SUZ12: variants seen among roughly 807,000 people sequenced by gnomAD.
The protein encoded by SUZ12 is polycomb protein SUZ12.
A neutral mutation model predicts 87.3 loss-of-function variants in SUZ12; 17 were observed. That is an observed-to-expected ratio of 0.19 (90% CI 0.13 to 0.29). SUZ12 has a LOEUF of 0.29. Among genes scored for constraint, SUZ12 ranks in the 10% least tolerant of loss-of-function variants. SUZ12 has a pLI of 1.00. For missense variants in SUZ12, 526 were observed against 912.2 expected (o/e 0.58, Z 5.45); for synonymous variants, 253 against 312.4 (o/e 0.81, Z 2.01).
chr17:31,989,409 A>G (rs552638011), intron 10 of SUZ12, among the ~76,000 whole-genome samples: 7 of 152,324 alleles, frequency 4.6e-5, no homozygotes, highest in African/African-American at 1.7e-4. Flanking sequence ...GAAGCGTGAT[A>G]TGGTACATAG....
At chr17:31,965,945 A>G (rs1908058940) in intron 4 of SUZ12, 1 of 412,464 alleles carries the variant, frequency 2.4e-6, no homozygotes, top group African/African-American at 2.1e-5. Flanking sequence ...TTTGTTGTTT[A>G]TTTTTTGTTA....
At chr17:31,984,968 C>T (rs1393798550) in intron 9 of SUZ12, among the ~76,000 whole-genome samples, 5 of 152,000 alleles carry the variant, frequency 3.3e-5, no homozygotes, top group African/African-American at 1.2e-4. Context: ...CCAGCCTGGC[C>T]AACATGTCAA....
intron 10 of SUZ12, among the ~76,000 whole-genome samples, chr17:31,992,801 G>A (rs958874001): frequency 3.3e-5 from 5 of 150,848 alleles, no homozygotes; most frequent in African/African-American, 9.8e-5. Context: ...TCCGCCTCCC[G>A]GGTTCAAGCA....
chr17:31,946,984 T>C (rs1906678333), intron 3 of SUZ12, among the ~76,000 whole-genome samples: 1 of 152,230 alleles, frequency 6.6e-6, no homozygotes, highest in South Asian at 2.1e-4. Flanking sequence ...TAATATGACA[T>C]ATCATTGAGC....
chr17:31,969,214 G>C (rs140849992), intron 5 of SUZ12, among the ~76,000 whole-genome samples: 3 of 151,848 alleles, frequency 2.0e-5, no homozygotes, highest in African/African-American at 7.3e-5. Flanking sequence ...GCGCAATCTC[G>C]GCTCACCACA....
At chr17:31,973,866 G>T (rs184482144) in intron 6 of SUZ12, among the ~76,000 whole-genome samples, 44 of 152,284 alleles carry the variant, frequency 2.9e-4, no homozygotes, top group Admixed American at 1.6e-3. Context: ...GGCCATAAGG[G>T]CCTCAATCAC....
At chr17:31,954,385 G>A (rs1370850006) in intron 4 of SUZ12, among the ~76,000 whole-genome samples, 4 of 152,044 alleles carry the variant, frequency 2.6e-5, no homozygotes, top group Admixed American at 2.6e-4. Context: ...TGCAACCTAA[G>A]CTTTTGAATT....
Position 32,000,797 on chromosome 17 carries a change from G to T in SUZ12, c.*1794G>T. On this transcript the variant is annotated 3_prime_UTR_variant, in exon 16 of 16. Coordinates refer to ENST00000322652, the MANE Select transcript of SUZ12 (RefSeq NM_015355.4). ...AAATAGTAATAAAATTACTTCTGTT[G>T]AGTAAACTTTTTATGTCATCGTAAA... 4.4e-6 allele frequency: 1 copy of T among 229,634 alleles called. No homozygotes were observed. The highest frequency in any genetic ancestry group is 8.6e-6 in the Non-Finnish European group (1 of 115,682). 14.2% of individuals were successfully genotyped at this position (229,634 alleles called of 1,614,324 possible). A position where few individuals can be genotyped will look rare whatever the true frequency, so the allele number is the denominator to read the frequency against.
Position 32,000,245 on chromosome 17 carries a change from G to A in SUZ12, c.*1242G>A, listed in dbSNP as rs1326026258. ...AGGATCAATGCTGCTGTAAATACAG[G>A]TATTTTTAATTTTAAAATTTCATTC... On this transcript the variant is annotated 3_prime_UTR_variant, in exon 16 of 16. Transcript: ENST00000322652. The A allele has an allele frequency of 4.3e-6, 1 of 233,022 alleles. No individual in the cohort carries two copies. The highest frequency in any genetic ancestry group is 8.5e-6 in the Non-Finnish European group (1 of 117,780). 14.4% of individuals were successfully genotyped at this position (233,022 alleles called of 1,614,324 possible). A position where few individuals can be genotyped will look rare whatever the true frequency, so the allele number is the denominator to read the frequency against.
At chr17:31,950,602 T>A (rs1451583697) in intron 4 of SUZ12, among the ~76,000 whole-genome samples, 1 of 152,050 alleles carries the variant, frequency 6.6e-6, no homozygotes, top group Admixed American at 6.6e-5. Context: ...GAGAATCCCT[T>A]GAACCCGGGA....
intron 3 of SUZ12, 31 bp downstream of exon 3, chr17:31,940,517 T>G: frequency 6.6e-7 from 1 of 1,510,442 alleles, no homozygotes; most frequent in Non-Finnish European, 8.8e-7. Flanking sequence ...TTCAAGCTGA[T>G]CAAACCATGT....
intron 9 of SUZ12, among the ~76,000 whole-genome samples, chr17:31,986,702 C>A (rs1412603890): frequency 2.0e-5 from 3 of 152,164 alleles, no homozygotes; most frequent in Non-Finnish European, 2.9e-5. Flanking sequence ...CAGGCGCCAG[C>A]CACCATGCCC....
chr17:31,949,705 T>TTTTTTTTTG (rs1367680305), intron 4 of SUZ12, among the ~76,000 whole-genome samples: 13 of 96,522 alleles, frequency 1.3e-4, no homozygotes, highest in African/African-American at 4.9e-4. Flanking sequence ...TTTTTTTTTT[T>TTTTTTTTTG]GAGACCAAGT....
intron 9 of SUZ12, among the ~76,000 whole-genome samples, chr17:31,984,083 A>G (rs1909272239): frequency 6.6e-6 from 1 of 152,210 alleles, no homozygotes; most frequent in Non-Finnish European, 1.5e-5. Context: ...GAAATTTTAG[A>G]AAAATATTTT....
In SUZ12 at chr17:31,999,182, C is replaced by T; in HGVS notation, c.*179C>T. On this transcript the variant is annotated 3_prime_UTR_variant, in exon 16 of 16. Coordinates refer to ENST00000322652, the MANE Select transcript of SUZ12 (RefSeq NM_015355.4). ...TACTTCACTTCATTATGCAGCATTA[C>T]ATGTATATCACTTTTATTGATGTCA... 1 of 463,276 alleles carries T rather than the reference C, an allele frequency of 2.2e-6. No individual in the cohort carries two copies. The highest frequency in any genetic ancestry group is 3.8e-6 in the Non-Finnish European group (1 of 265,574). 28.7% of individuals were successfully genotyped at this position (463,276 alleles called of 1,614,324 possible).
intron 15 of SUZ12, among the ~76,000 whole-genome samples, chr17:31,997,647 C>T (rs1910044333): frequency 7.8e-6 from 1 of 127,454 alleles, no homozygotes; most frequent in Non-Finnish European, 1.6e-5. Context: ...GCCTGGGCAA[C>T]AGAGTGAGAC....
chr17:31,967,145 G>A (rs1908141449), intron 5 of SUZ12: 1 of 151,408 alleles, frequency 6.6e-6, no homozygotes, highest in Admixed American at 6.6e-5. Context: ...GTTGCAATGA[G>A]CTGAGATTGC....
intron 9 of SUZ12, among the ~76,000 whole-genome samples, chr17:31,987,941 A>G (rs1195995334): frequency 2.5e-5 from 3 of 120,904 alleles, no homozygotes; most frequent in African/African-American, 7.7e-5. Flanking sequence ...CTCCATCTCA[A>G]AAAAAAAAAA....
In SUZ12 at chr17:31,999,646, A is replaced by C. The variant is rs1464607454; in HGVS notation, c.*643A>C. ...TTATGCCTGTTTGAGAAGATATTAA[A>C]TTTTCACATTGTTGACAGTGAAATG... is the stretch of plus-strand genomic sequence containing the variant. On this transcript the variant is annotated 3_prime_UTR_variant, in exon 16 of 16. Transcript: ENST00000322652. 8.6e-6 allele frequency: 2 copies of C among 231,828 alleles called. No individual in the cohort carries two copies. Among genetic ancestry groups the C allele is most frequent in the Non-Finnish European group, 1.7e-5 (2 of 117,344 alleles). The allele number at this position is 231,828 out of a possible 1,614,324, so 14.4% of individuals were successfully genotyped here.
Sources: allele counts gnomAD v4.1 joint callset (sites outside exome capture counted in the v4.1 genomes callset), GRCh38; gene constraint gnomAD v4.1.1; transcripts MANE v1.5; gene names NCBI Gene and HGNC (gene_info 2026-07-23, HGNC 2026-07-21).